The following PTPRD variants were observed in gnomAD, a reference collection of about 807,000 sequenced individuals.
The protein encoded by PTPRD is protein tyrosine phosphatase receptor type D.
In PTPRD, 34 loss-of-function variants were observed where a neutral mutation model predicts 214.5. That is an observed-to-expected ratio of 0.16 (90% CI 0.12 to 0.21). The LOEUF is 0.21. Among genes scored for constraint, PTPRD ranks in the 10% least tolerant of loss-of-function variants. The probability of loss-of-function intolerance (pLI) is 1.00; values close to 1 mark genes in which losing one functional copy is unlikely to be tolerated. For synonymous variants in PTPRD, 1,128 were observed against 845.7 expected (o/e 1.33, Z -5.79); for missense variants, 2,545 against 2,398.7 (o/e 1.06, Z -1.27).
At chr9:9,813,665 C>T (rs1275292033) in intron 5 of PTPRD, among the ~76,000 whole-genome samples, 1 of 152,042 alleles carries the variant, frequency 6.6e-6, no homozygotes, top group Non-Finnish European at 1.5e-5. Flanking sequence ...GCAAAACGTC[C>T]TCACGAATGA....
chr9:9,109,494 T>G (rs1161689433), intron 10 of PTPRD, among the ~76,000 whole-genome samples: 2 of 152,098 alleles, frequency 1.3e-5, no homozygotes, highest in Non-Finnish European at 2.9e-5. Context: ...GTTGTGAGGA[T>G]GAAATAAGAA....
At chr9:8,736,736 G>C (rs1238338844) in intron 11 of PTPRD, among the ~76,000 whole-genome samples, 1 of 151,126 alleles carries the variant, frequency 6.6e-6, no homozygotes, top group East Asian at 1.9e-4. Context: ...TTGGCATGAA[G>C]AAGCAAGTGG....
intron 9 of PTPRD, among the ~76,000 whole-genome samples, chr9:9,244,937 C>A (rs2099972297): frequency 6.6e-6 from 1 of 152,020 alleles, no homozygotes; most frequent in African/African-American, 2.4e-5. Flanking sequence ...AACAAATGTA[C>A]AAGAAAAAAG....
chr9:8,485,090 T>C (rs1273744420), intron 29 of PTPRD, 137 bp downstream of exon 29: 2 of 667,896 alleles, frequency 3.0e-6, no homozygotes, highest in East Asian at 2.7e-5. Context: ...CTGTCTCCCA[T>C]GTGAAAGTCA....
intron 5 of PTPRD, among the ~76,000 whole-genome samples, chr9:9,927,468 T>A (rs564279821): frequency 2.6e-5 from 4 of 152,250 alleles, no homozygotes; most frequent in Admixed American, 6.5e-5. Flanking sequence ...TGGATTTATA[T>A]CAAATTCAGC....
intron 3 of PTPRD, among the ~76,000 whole-genome samples, chr9:10,199,502 A>G (rs894914198): frequency 6.6e-6 from 1 of 152,016 alleles, no homozygotes; most frequent in Non-Finnish European, 1.5e-5. Flanking sequence ...TTCTAATCAA[A>G]ACAGAGACCA....
intron 7 of PTPRD, among the ~76,000 whole-genome samples, chr9:9,655,581 A>G (rs543212309): frequency 8.8e-6 from 1 of 114,102 alleles, no homozygotes; most frequent in East Asian, 2.0e-4. Context: ...AGGGAAAACC[A>G]AACCAAACCA....
intron 2 of PTPRD, among the ~76,000 whole-genome samples, chr9:10,449,104 G>A (rs1205926084): frequency 2.0e-5 from 3 of 150,206 alleles, no homozygotes; most frequent in Non-Finnish European, 4.4e-5. Context: ...AGGCTGGACT[G>A]TACTGCCGCC....
intron 4 of PTPRD, among the ~76,000 whole-genome samples, chr9:10,000,934 G>C (rs1192566672): frequency 1.3e-5 from 2 of 152,116 alleles, no homozygotes; most frequent in African/African-American, 2.4e-5. Context: ...ATACACACCT[G>C]GTCAAACCAA....
chr9:9,241,612 C>A (rs539521694), intron 9 of PTPRD, among the ~76,000 whole-genome samples: 1 of 152,110 alleles, frequency 6.6e-6, no homozygotes, highest in South Asian at 2.1e-4. Flanking sequence ...TCTTCTTTGT[C>A]TCTTTTGATC....
chr9:10,298,865 C>A (rs1030703789), intron 3 of PTPRD, among the ~76,000 whole-genome samples: 7 of 151,888 alleles, frequency 4.6e-5, no homozygotes, highest in African/African-American at 1.2e-4. Flanking sequence ...AAATAGAGAC[C>A]AGCTGTTTCT....
chr9:10,406,389 T>C (rs1020865948), intron 2 of PTPRD, among the ~76,000 whole-genome samples: 2 of 151,542 alleles, frequency 1.3e-5, no homozygotes, highest in African/African-American at 4.8e-5. Flanking sequence ...ATTGAAGAAA[T>C]AGTAAGAATG....
intron 2 of PTPRD, among the ~76,000 whole-genome samples, chr9:10,480,170 G>T (rs191475301): frequency 6.6e-6 from 1 of 152,094 alleles, no homozygotes; most frequent in Non-Finnish European, 1.5e-5. Context: ...CATGGCAAGT[G>T]TGCCACACTC....
chr9:9,348,670 A>G (rs1372798219), intron 9 of PTPRD, among the ~76,000 whole-genome samples: 1 of 152,144 alleles, frequency 6.6e-6, no homozygotes, highest in South Asian at 2.1e-4. Context: ...TAGTAAGTCC[A>G]GATTCCAGCA....
chr9:8,345,117 A>G (rs1282840076), intron 39 of PTPRD, among the ~76,000 whole-genome samples: 2 of 152,026 alleles, frequency 1.3e-5, no homozygotes, highest in Non-Finnish European at 1.5e-5. Context: ...CTTCTTTCCA[A>G]TAAATGTGCC....
At chr9:8,431,015 T>C (rs1258068367) in intron 35 of PTPRD, among the ~76,000 whole-genome samples, 1 of 152,198 alleles carries the variant, frequency 6.6e-6, no homozygotes, top group Non-Finnish European at 1.5e-5. Context: ...TGCTTTTCTG[T>C]AGTACTGTAG....
At chr9:8,836,032 G>A (rs761544967) in intron 11 of PTPRD, among the ~76,000 whole-genome samples, 2 of 152,134 alleles carry the variant, frequency 1.3e-5, no homozygotes, top group African/African-American at 4.8e-5. Flanking sequence ...TTTAATTAAT[G>A]CATACATATA....
chr9:8,321,511 AT>A (rs1827972557), intron 44 of PTPRD, among the ~76,000 whole-genome samples: 1 of 129,068 alleles, frequency 7.7e-6, no homozygotes, highest in Admixed American at 7.7e-5. Context: ...ATATATATAT[AT>A]ATATATATAT....
At chr9:10,213,058 G>A (rs910379672) in intron 3 of PTPRD, among the ~76,000 whole-genome samples, 17 of 152,172 alleles carry the variant, frequency 1.1e-4, no homozygotes, top group African/African-American at 4.1e-4. Flanking sequence ...AAAAAATATA[G>A]GTTAAAGCTA....
Sources: gnomAD v4.1 joint callset for allele counts (sites outside exome capture counted in the v4.1 genomes callset) on GRCh38, gnomAD v4.1.1 for gene constraint, MANE v1.5 for transcripts, NCBI Gene and HGNC (gene_info 2026-07-23, HGNC 2026-07-21) for gene names.